Variants in TIPIN observed in about 807,000 individuals in gnomAD.
The protein encoded by TIPIN is TIMELESS-interacting protein.
Under a neutral mutation model 35.6 loss-of-function variants are expected in TIPIN, and 29 were observed. The observed-to-expected ratio is 0.82, with a 90% confidence interval of 0.61 to 1.11. TIPIN has a LOEUF of 1.11. TIPIN is among the 50% of genes most tolerant of loss of function. The pLI is 0.00. For missense variants in TIPIN, 296 were observed against 345.4 expected (o/e 0.86, Z 1.13); for synonymous variants, 102 against 121.5 (o/e 0.84, Z 1.06).
chr15:66,339,661 A>G (rs2093071333), intron 7 of TIPIN, among the ~76,000 whole-genome samples: 1 of 152,152 alleles, frequency 6.6e-6, no homozygotes, highest in Non-Finnish European at 1.5e-5. Flanking sequence ...TGAGACTAGA[A>G]GTTCAAGGCT....
intron 1 of TIPIN, among the ~76,000 whole-genome samples, chr15:66,381,504 T>C (rs1452596003): frequency 2.0e-5 from 3 of 151,932 alleles, no homozygotes; most frequent in East Asian, 1.9e-4. Flanking sequence ...AAATATTAAT[T>C]CCTACTGTTT....
intron 1 of TIPIN, chr15:66,371,462 GA>G (rs201444978): frequency 2.8e-4 from 232 of 834,668 alleles, no homozygotes; most frequent in Admixed American, 2.0e-3. Flanking sequence ...TATTTTCTGG[GA>G]AAAAAAAAGT....
At chr15:66,348,132 CT>C (rs1177204073) in intron 6 of TIPIN, 1 of 151,844 alleles carries the variant, frequency 6.6e-6, no homozygotes, top group Non-Finnish European at 1.5e-5. Flanking sequence ...CCTCAACCCC[CT>C]GAGTAGCTAC....
intron 6 of TIPIN, among the ~76,000 whole-genome samples, chr15:66,342,564 G>A (rs1426111757): frequency 2.0e-5 from 3 of 151,858 alleles, no homozygotes; most frequent in Admixed American, 6.6e-5. Context: ...GGGTTTCACC[G>A]TATTGGCCAG....
At chr15:66,345,275 A>G (rs983984772) in intron 6 of TIPIN, among the ~76,000 whole-genome samples, 7 of 152,224 alleles carry the variant, frequency 4.6e-5, no homozygotes, top group African/African-American at 1.7e-4. Context: ...ATGTGCCTGA[A>G]ATGTCCAAGG....
At chr15:66,346,812 G>C (rs1167324274) in intron 6 of TIPIN, among the ~76,000 whole-genome samples, 2 of 144,092 alleles carry the variant, frequency 1.4e-5, no homozygotes, top group South Asian at 4.4e-4. Context: ...TTTTTTTTTT[G>C]AGACGGAGTC....
intron 5 of TIPIN, 67 bp from the exon 6 acceptor site, chr15:66,349,190 T>C: frequency 1.3e-6 from 2 of 1,597,532 alleles, no homozygotes; most frequent in Non-Finnish European, 1.7e-6. Context: ...GATAATTTGC[T>C]ATTACTTTTC....
At chr15:66,340,706 C>T (rs941924878) in intron 7 of TIPIN, among the ~76,000 whole-genome samples, 8 of 152,034 alleles carry the variant, frequency 5.3e-5, no homozygotes, top group Non-Finnish European at 8.8e-5. Context: ...AGGTGATTCT[C>T]GTACCTCAGC....
intron 1 of TIPIN, chr15:66,383,695 T>C: frequency 1.6e-6 from 1 of 610,336 alleles, no homozygotes; most frequent in Non-Finnish European, 2.1e-6. Context: ...TTAAAAAGTA[T>C]GGGGGAAAGA....
At chr15:66,367,187 A>AATCTATATCTAT (rs60845317) in intron 1 of TIPIN, among the ~76,000 whole-genome samples, 19,142 of 130,596 alleles carry the variant, frequency 0.15, 1,468 homozygotes, top group East Asian at 0.25. Flanking sequence ...CTCAAAAAAA[A>AATCTATATCTAT]ATCTATATCT....
intron 1 of TIPIN, among the ~76,000 whole-genome samples, chr15:66,385,871 A>C (rs1235807156): frequency 6.6e-6 from 1 of 151,824 alleles, no homozygotes; most frequent in Non-Finnish European, 1.5e-5. Context: ...TGCAGCCTCA[A>C]ACTCCTGGGC....
At chr15:66,341,077 G>A in intron 7 of TIPIN, 73 bp downstream of exon 7, 2 of 1,351,996 alleles carry the variant, frequency 1.5e-6, no homozygotes, top group Non-Finnish European at 1.0e-6. Context: ...TTGGGGGCTA[G>A]CAGAGAAGTT....
chr15:66,340,581 A>C (rs965943749), intron 7 of TIPIN, among the ~76,000 whole-genome samples: 2 of 152,002 alleles, frequency 1.3e-5, no homozygotes, highest in South Asian at 4.1e-4. Flanking sequence ...ATTTAAAATC[A>C]ATTTCAAGTG....
At chr15:66,352,760 C>T in intron 2 of TIPIN, 55 bp downstream of exon 2, 1 of 1,525,874 alleles carries the variant, frequency 6.6e-7, no homozygotes, top group Non-Finnish European at 8.8e-7. Flanking sequence ...GAATTACAGG[C>T]ATGAGCCACC....
At chr15:66,385,203 T>C (rs537636660) in intron 1 of TIPIN, among the ~76,000 whole-genome samples, 1 of 152,346 alleles carries the variant, frequency 6.6e-6, no homozygotes, top group South Asian at 2.1e-4. Context: ...TGTGTAGGAC[T>C]GCCTCCCAGG....
chr15:66,362,488 A>G (rs1403662174), intron 1 of TIPIN, among the ~76,000 whole-genome samples: 1 of 152,084 alleles, frequency 6.6e-6, no homozygotes, highest in African/African-American at 2.4e-5. Context: ...TGGGAGGCCG[A>G]GGCTGGCAGA....
intron 1 of TIPIN, chr15:66,382,416 T>C (rs2093321694): frequency 2.0e-6 from 2 of 981,380 alleles, no homozygotes; most frequent in Non-Finnish European, 2.4e-6. Context: ...CTTGTATTTC[T>C]TCTGTTTTCC....
rs1316547691 is a variant in TIPIN at position 66,352,807 on chromosome 15, A to G, written c.133+8T>C. On this transcript the variant is annotated splice_region_variant and intron_variant, in intron 2 of 7. Transcript: ENST00000261881. ...CACAGCCTCCTTTTTAAAACTCTCT[A>G]TACATACCTTCATCAGGCTCAGTTC... 6 of 1,610,252 alleles carry G rather than the reference A, an allele frequency of 3.7e-6. No individual in the cohort carries two copies. The Admixed American group carries it at 8.4e-5, about 23-fold the overall frequency.
chr15:66,383,076 C>T, intron 1 of TIPIN: 1 of 703,168 alleles, frequency 1.4e-6, no homozygotes, highest in Non-Finnish European at 1.7e-6. Context: ...GAGGCCAACC[C>T]AGCATGCATA....
Sources: gnomAD v4.1 joint callset for allele counts (sites outside exome capture counted in the v4.1 genomes callset) on GRCh38, gnomAD v4.1.1 for gene constraint, MANE v1.5 for transcripts, NCBI Gene and HGNC (gene_info 2026-07-23, HGNC 2026-07-21) for gene names.